TIPIN: variants seen among roughly 807,000 people sequenced by gnomAD.
The protein encoded by TIPIN is TIMELESS interacting protein.
A neutral mutation model predicts 35.6 loss-of-function variants in TIPIN; 29 were observed. The observed-to-expected ratio is 0.82, with a 90% CI of 0.61 to 1.11. TIPIN has a LOEUF of 1.11. TIPIN is among the 50% of genes most tolerant of loss of function. The pLI, the probability that TIPIN is intolerant of heterozygous loss-of-function variation, is 0.00. For synonymous variants in TIPIN, 102 were observed against 121.5 expected (o/e 0.84, Z 1.06); for missense variants, 296 against 345.4 (o/e 0.86, Z 1.13).
intron 1 of TIPIN, among the ~76,000 whole-genome samples, chr15:66,370,636 A>G (rs574989344): frequency 1.4e-4 from 21 of 152,342 alleles, no homozygotes; most frequent in African/African-American, 4.8e-4. Flanking sequence ...CAATTGATAT[A>G]GAGCCAGAGT....
rs2093050136 is a variant in TIPIN, at chr15:66,337,125, C to A, written c.739G>T (p.Asp247Tyr). The A allele has an allele frequency of 6.2e-7, 1 of 1,613,924 alleles. No homozygotes were observed. The highest frequency in any genetic ancestry group is 1.7e-5 in the Admixed American group (1 of 59,962). The change falls in exon 8 of 8, where the codon GAT becomes TAT. Residue 247 changes from aspartate (D) to tyrosine (Y), a missense_variant. Asp to Tyr is a radical substitution (Grantham distance 160). Coordinates refer to ENST00000261881, the MANE Select transcript of TIPIN (RefSeq NM_017858.3). ...HTVEEVNTDE[D>Y]QKEESNGLNE... ...AATCCATTTGACTCCTCCTTTTGATCCTCATCAGTATTAACCTCTTCAACC... is the reference window on the plus strand; with the variant it reads ...AATCCATTTGACTCCTCCTTTTGATACTCATCAGTATTAACCTCTTCAACC...
intron 1 of TIPIN, among the ~76,000 whole-genome samples, chr15:66,354,354 A>G (rs573671289): frequency 6.6e-6 from 1 of 152,314 alleles, no homozygotes; most frequent in South Asian, 2.1e-4. Flanking sequence ...CCTACAAGTC[A>G]TCTTTAGCAA....
chr15:66,349,247 T>C (rs2093150522), intron 5 of TIPIN, 68 bp downstream of exon 5: 1 of 1,604,018 alleles, frequency 6.2e-7, no homozygotes, highest in African/African-American at 1.3e-5. Flanking sequence ...AAACAGCAAT[T>C]TAGCCTCAAC....
At chr15:66,339,188 G>GA (rs535455740) in intron 7 of TIPIN, among the ~76,000 whole-genome samples, 5 of 125,426 alleles carry the variant, frequency 4.0e-5, no homozygotes, top group East Asian at 2.4e-4. Context: ...CATCTTAACT[G>GA]AAAAAAAAAG....
intron 6 of TIPIN, 46 bp from the exon 7 acceptor site, chr15:66,341,402 GAGA>G: frequency 6.6e-7 from 1 of 1,515,402 alleles, no homozygotes; most frequent in South Asian, 1.2e-5. Flanking sequence ...AGACTAGTTA[GAGA>G]AGGGCTTCTC....
At position 66,341,323 on chromosome 15, in the gene TIPIN, G is replaced by A; in HGVS notation, c.509C>T (p.Thr170Ile). The part of the protein sequence containing the change: ...EVAENNEHDV[T>I]STELDPFLTN... ...CAGAAAGGGATCTAATTCAGTAGAA[G>A]TGACATCATGTTCATTATTCTCCGC... The change falls in exon 7 of 8, where the codon ACT (threonine) becomes ATT (isoleucine). Residue 170 changes from threonine (T) to isoleucine (I), a missense_variant. Physicochemically the swap from Thr to Ile is moderately conservative, Grantham distance 89. Coordinates refer to ENST00000261881, the MANE Select transcript of TIPIN (RefSeq NM_017858.3). 1 of 1,613,732 alleles carries A rather than the reference G, an allele frequency of 6.2e-7. No homozygotes were observed. Among genetic ancestry groups the A allele is most frequent in the Non-Finnish European group, 8.5e-7 (1 of 1,179,958 alleles).
At chr15:66,354,937 T>C (rs2093193234) in intron 1 of TIPIN, among the ~76,000 whole-genome samples, 1 of 152,162 alleles carries the variant, frequency 6.6e-6, no homozygotes, top group Admixed American at 6.6e-5. Flanking sequence ...CAAACTAGAC[T>C]GTAGCTCAAA....
At chr15:66,373,756 G>A (rs1376401419) in intron 1 of TIPIN, among the ~76,000 whole-genome samples, 9 of 152,094 alleles carry the variant, frequency 5.9e-5, no homozygotes, top group Non-Finnish European at 1.2e-4. Context: ...AGAGTGGAGT[G>A]CAATAGTAGG....
At chr15:66,348,648 C>A (rs904664386) in intron 6 of TIPIN, among the ~76,000 whole-genome samples, 11 of 146,438 alleles carry the variant, frequency 7.5e-5, no homozygotes, top group Non-Finnish European at 1.5e-4. Flanking sequence ...GAGCCGAGAT[C>A]ATGCCACTGC....
At position 66,349,382 on chromosome 15, in the gene TIPIN, A is replaced by T; in HGVS notation, c.344T>A (p.Phe115Tyr). The T allele has an allele frequency of 1.9e-6, 3 of 1,614,078 alleles. No individual in the cohort carries two copies. Among genetic ancestry groups the T allele is most frequent in the Non-Finnish European group, 2.5e-6 (3 of 1,180,006 alleles). The change falls in exon 5 of 8, where the codon TTC (phenylalanine) becomes TAC (tyrosine). Residue 115 changes from phenylalanine to tyrosine, a missense_variant. Phe to Tyr is a conservative substitution (Grantham distance 22). Coordinates refer to ENST00000261881, the MANE Select transcript of TIPIN (RefSeq NM_017858.3). The part of the protein sequence containing the change: ...RHMEHWAHRL[F>Y]PKLQFEDFID... Reference sequence around the variant, plus strand: ...AAAATCCTCAAACTGCAGTTTAGGGAATAGCCTATGTGCCCAGTGCTCCAT... The same window carrying T: ...AAAATCCTCAAACTGCAGTTTAGGGTATAGCCTATGTGCCCAGTGCTCCAT...
At chr15:66,363,826 C>G (rs958367518) in intron 1 of TIPIN, among the ~76,000 whole-genome samples, 5 of 147,944 alleles carry the variant, frequency 3.4e-5, no homozygotes, top group African/African-American at 2.5e-5. Flanking sequence ...GTTAAAAATA[C>G]AAAAAATTAG....
At chr15:66,351,641 CTT>C (rs56040501) in intron 3 of TIPIN, 41 bp from the exon 4 acceptor site, 1,201 of 1,081,894 alleles carry the variant, frequency 1.1e-3, no homozygotes, top group Admixed American at 1.7e-3. Flanking sequence ...GTTTTATTTT[CTT>C]TTTTTTTTTT....
At chr15:66,347,158 A>G (rs960192267) in intron 6 of TIPIN, 11 of 482,602 alleles carry the variant, frequency 2.3e-5, no homozygotes, top group Non-Finnish European at 4.6e-5. Flanking sequence ...TTCTACATGG[A>G]ACCTGTATTT....
At chr15:66,351,796 C>A (rs1039725745) in intron 3 of TIPIN, among the ~76,000 whole-genome samples, 196 bp from the exon 4 acceptor site, 7 of 151,918 alleles carry the variant, frequency 4.6e-5, no homozygotes, top group African/African-American at 1.7e-4. Flanking sequence ...CCCACCACTG[C>A]ACCCAGCTAA....
At chr15:66,339,615 C>T (rs766017172) in intron 7 of TIPIN, among the ~76,000 whole-genome samples, 2 of 152,126 alleles carry the variant, frequency 1.3e-5, no homozygotes, top group Non-Finnish European at 2.9e-5. Flanking sequence ...TACCTGCAAT[C>T]CCAGCACTTT....
chr15:66,357,086 TTTTGTTTG>T (rs746583795), upstream of TIPIN, among the ~76,000 whole-genome samples: 1 of 151,868 alleles, frequency 6.6e-6, no homozygotes, highest in African/African-American at 2.4e-5. Context: ...TTTAATGGGT[TTTTGTTTG>T]TTTGTTTGTT....
intron 1 of TIPIN, among the ~76,000 whole-genome samples, chr15:66,370,597 C>A (rs894713483): frequency 6.6e-6 from 1 of 151,974 alleles, no homozygotes; most frequent in African/African-American, 2.4e-5. Context: ...CTCACAGGAG[C>A]TTAAAAATCC....
chr15:66,359,256 G>T (rs2093221114), upstream of TIPIN, among the ~76,000 whole-genome samples: 2 of 151,890 alleles, frequency 1.3e-5, no homozygotes, highest in African/African-American at 2.4e-5. Flanking sequence ...ATGTATCTAT[G>T]TGTCACATTT....
At chr15:66,359,071 G>A (rs1367515039), upstream of TIPIN, among the ~76,000 whole-genome samples, 1 of 150,638 alleles carries the variant, frequency 6.6e-6, no homozygotes, top group African/African-American at 2.4e-5. Flanking sequence ...AAAAAACACT[G>A]GGTCCCGGAT....
Sources: allele counts gnomAD v4.1 joint callset (sites outside exome capture counted in the v4.1 genomes callset), GRCh38; gene constraint gnomAD v4.1.1; transcripts MANE v1.5; gene names NCBI Gene and HGNC (gene_info 2026-07-23, HGNC 2026-07-21).